LARGE1: variants seen among roughly 807,000 people sequenced by gnomAD.
LARGE1 encodes xylosyl- and glucuronyltransferase LARGE1.
In LARGE1, 43 loss-of-function variants were observed where a neutral mutation model predicts 87.6. The ratio of observed to expected loss-of-function variants is 0.49; its 90% CI spans 0.38 to 0.63. The LOEUF (loss-of-function observed/expected upper bound fraction) is 0.63, where lower values mean the gene tolerates loss of function less well. Ranked by LOEUF, LARGE1 falls within the 30% of genes least tolerant of loss-of-function variation. LARGE1 has a pLI of 0.00. For synonymous variants in LARGE1, 434 were observed against 394.6 expected, an observed-to-expected ratio of 1.10 and a Z score of -1.18; for missense variants, 802 against 1,000.2, an observed-to-expected ratio of 0.80 and a Z score of 2.67.
intron 11 of LARGE1, among the ~76,000 whole-genome samples, chr22:33,247,807 C>G (rs1926834473): frequency 3.3e-5 from 5 of 152,200 alleles, no homozygotes; most frequent in Admixed American, 1.3e-4. Context: ...CATTATCAAG[C>G]TAGACATAGA....
chr22:33,626,149 A>T, intron 4 of LARGE1, 95 bp downstream of exon 4: 2 of 981,800 alleles, frequency 2.0e-6, no homozygotes, highest in Non-Finnish European at 3.3e-6. Flanking sequence ...AGAATGATTG[A>T]TGAGAAATTT....
intron 2 of LARGE1, among the ~76,000 whole-genome samples, chr22:33,712,261 C>T (rs941195285): frequency 6.6e-6 from 1 of 152,150 alleles, no homozygotes; most frequent in African/African-American, 2.4e-5. Context: ...AAGCTGGAGC[C>T]TGGATTGCAG....
At chr22:33,530,342 C>A (rs2072134283) in intron 6 of LARGE1, among the ~76,000 whole-genome samples, 1 of 152,122 alleles carries the variant, frequency 6.6e-6, no homozygotes, top group Non-Finnish European at 1.5e-5. Context: ...TTACTTGCAG[C>A]CAAAAGCTCT....
In LARGE1 at chr22:33,754,198, A is replaced by T. The variant is rs142343612; in HGVS notation, c.106+7173T>A. On this transcript the variant is annotated intron_variant, in intron 2 of 14. Transcript: ENST00000397394. ...CAGTCCCAAGGTAAGAACTACAGAC[A>T]CATGCACTGGGCATTCTTTGGGATG... is the stretch of plus-strand genomic sequence containing the variant. Among the ~76,000 whole-genome samples, 363 of 152,318 alleles carry T rather than the reference A, an allele frequency of 2.4e-3. 1 individual carries two copies. Among genetic ancestry groups the T allele is most frequent in the African/African-American group, 8.3e-3 (344 of 41,576 alleles).
At chr22:33,708,768 T>C (rs546217083) in intron 2 of LARGE1, among the ~76,000 whole-genome samples, 1 of 152,274 alleles carries the variant, frequency 6.6e-6, no homozygotes, top group Non-Finnish European at 1.5e-5. Flanking sequence ...ACCAAGCTAA[T>C]GTTTGTATTT....
intron 1 of LARGE1, among the ~76,000 whole-genome samples, chr22:33,917,143 A>G (rs2065811249): frequency 6.6e-6 from 1 of 152,194 alleles, no homozygotes; most frequent in Non-Finnish European, 1.5e-5. Context: ...TACATGCTGA[A>G]CTGGGCCTTT....
chr22:33,186,602 A>C (rs1056453650), intron 11 of LARGE1, among the ~76,000 whole-genome samples: 3 of 152,042 alleles, frequency 2.0e-5, no homozygotes, highest in Non-Finnish European at 4.4e-5. Context: ...AAGTATGACC[A>C]CTCTTATTAC....
In LARGE1 at chr22:33,797,467, T is replaced by C. The variant is rs192327947; in HGVS notation, c.-82-35909A>G. On this transcript the variant is annotated intron_variant, in intron 1 of 14. Transcript: ENST00000397394. ...GTGTTAACCTACACAACCAGTACAATCAAAGCTCCCTTGCCATAGTGACTG... is the reference window on the plus strand; with the variant it reads ...GTGTTAACCTACACAACCAGTACAACCAAAGCTCCCTTGCCATAGTGACTG... 6.6e-5 allele frequency among the ~76,000 whole-genome samples: 10 copies of C among 152,234 alleles called. No individual in the cohort carries two copies. The East Asian group carries it at 1.9e-3, about 29-fold the overall frequency.
intron 7 of LARGE1, among the ~76,000 whole-genome samples, chr22:33,424,318 A>C (rs1251626355): frequency 6.6e-6 from 1 of 152,214 alleles, no homozygotes; most frequent in Non-Finnish European, 1.5e-5. Context: ...ACTTCCAAAG[A>C]GAAAAAGTGG....
intron 1 of LARGE1, among the ~76,000 whole-genome samples, chr22:33,841,435 C>T (rs2063278988): frequency 6.6e-6 from 1 of 152,196 alleles, no homozygotes; most frequent in African/African-American, 2.4e-5. Flanking sequence ...CTCTCCACCT[C>T]AGCTCTGCTC....
intron 1 of LARGE1, among the ~76,000 whole-genome samples, chr22:33,787,416 G>A (rs948186612): frequency 6.6e-6 from 1 of 152,134 alleles, no homozygotes; most frequent in African/African-American, 2.4e-5. Context: ...TTCTGAAACA[G>A]CTTTTAATTT....
chr22:33,239,827 C>T (rs113278118), intron 11 of LARGE1, among the ~76,000 whole-genome samples: 2,647 of 152,172 alleles, frequency 0.017, 25 homozygotes, highest in East Asian at 0.027. Context: ...TGAGCCACTG[C>T]GCCTGGCCTG....
intron 1 of LARGE1, among the ~76,000 whole-genome samples, chr22:33,762,479 GCCACCA>G (rs1464609759): frequency 2.0e-5 from 3 of 152,040 alleles, no homozygotes; most frequent in Non-Finnish European, 2.9e-5. Context: ...GATGGGAGAG[GCCACCA>G]CCTCCATGTG....
intron 2 of LARGE1, among the ~76,000 whole-genome samples, chr22:33,702,950 G>A (rs1444310590): frequency 2.0e-5 from 3 of 152,156 alleles, no homozygotes; most frequent in Admixed American, 6.5e-5. Context: ...GTGACTAGGA[G>A]TTACCCTGGC....
intron 11 of LARGE1, among the ~76,000 whole-genome samples, chr22:33,251,217 T>C (rs1040831392): frequency 2.6e-4 from 40 of 152,304 alleles, no homozygotes; most frequent in African/African-American, 9.6e-4. Flanking sequence ...GACTACTCTG[T>C]TCTTCTGGAT....
At chr22:33,072,272 AGAG>A in the LARGE1 span, among the ~76,000 whole-genome samples, 4 of 152,056 alleles carry the variant, frequency 2.6e-5, no homozygotes, top group African/African-American at 7.2e-5. Flanking sequence ...AAAAAGAAAA[AGAG>A]GAGGAGGAGG....
intron 12 of LARGE1, among the ~76,000 whole-genome samples, chr22:33,303,822 A>C (rs1934496284): frequency 1.3e-5 from 2 of 149,434 alleles, no homozygotes; most frequent in African/African-American, 5.1e-5. Flanking sequence ...GGGGGGTTTC[A>C]CCATGTTGGC....
intron 6 of LARGE1, among the ~76,000 whole-genome samples, chr22:33,495,234 T>A (rs1450259975): frequency 2.6e-5 from 4 of 152,128 alleles, no homozygotes; most frequent in Admixed American, 2.6e-4. Context: ...AAGCTTCTCA[T>A]CCTTTGAACT....
At chr22:33,796,018 G>A (rs1279542741) in intron 1 of LARGE1, among the ~76,000 whole-genome samples, 1 of 149,692 alleles carries the variant, frequency 6.7e-6, no homozygotes. Context: ...AAAGAACATA[G>A]GCTGTGGAGC....
Sources: gnomAD v4.1 joint callset for allele counts (sites outside exome capture counted in the v4.1 genomes callset) on GRCh38, gnomAD v4.1.1 for gene constraint, MANE v1.5 for transcripts, NCBI Gene and HGNC (gene_info 2026-07-23, HGNC 2026-07-21) for gene names.